The following ZGLP1 variants were observed in gnomAD, a reference collection of about 807,000 sequenced individuals.
The protein encoded by ZGLP1 is GATA-type zinc finger protein 1.
In ZGLP1, 11 loss-of-function variants were observed where a neutral mutation model predicts 21.4. The observed-to-expected ratio is 0.51, with a 90% CI of 0.32 to 0.85. ZGLP1 has a LOEUF of 0.85. Ranked by LOEUF, ZGLP1 falls within the 40% of genes least tolerant of loss-of-function variation. ZGLP1 has a pLI of 0.03. For missense variants in ZGLP1, 295 were observed against 355.6 expected (o/e 0.83, Z 1.37); for synonymous variants, 148 against 145.0 (o/e 1.02, Z -0.15).
chr19:10,308,807 G>C (rs766751740), exon 1 of ZGLP1: 18 of 863,928 alleles, frequency 2.1e-5, no homozygotes, highest in Non-Finnish European at 2.7e-5. Context: ...AGATCACCCA[G>C]GCAGGGACCG....
Position 10,305,627 on chromosome 19 carries a change from C to T in ZGLP1, c.605-144G>A, listed in dbSNP as rs2040274784. On this transcript the variant is annotated intron_variant, in intron 2 of 3. Coordinates refer to ENST00000403903, the Ensembl canonical transcript of ZGLP1. The surrounding 1 kb of genome is among the most constrained non-coding windows in gnomAD (Gnocchi z 4.7). Reference sequence around the variant, plus strand: ...AGCCCTGGGAGTTGCCAGCTCTAAGCCACAGCAAAGCCAGGAAGGGAGACA... The same window carrying T: ...AGCCCTGGGAGTTGCCAGCTCTAAGTCACAGCAAAGCCAGGAAGGGAGACA... The T allele has an allele frequency of 1.3e-6, 1 of 796,630 alleles. No individual in the cohort carries two copies. Among genetic ancestry groups the T allele is most frequent in the Admixed American group, 2.2e-5 (1 of 44,840 alleles). The allele number at this position is 796,630 out of a possible 1,614,324, so 49.3% of individuals were successfully genotyped here.
rs2040271716 is a variant in ZGLP1, at chr19:10,305,102, G to A, written c.805C>T (p.Gln269Ter). Residue 269 changes from glutamine (Q) to a stop codon, truncating the protein, a stop_gained, in exon 4 of 4, where the codon CAG becomes TAG. Coordinates refer to ENST00000403903, the Ensembl canonical transcript of ZGLP1. LOFTEE classifies it high-confidence loss of function. This position sits in a 1 kb window ranked among gnomAD's most constrained non-coding sequence, Gnocchi z 4.7. ...GGGTGAAGCTGGGTTTAACCTTCCT[G>A]AATGGGGTCCAGGGACACTCCACAT... 6.2e-7 allele frequency: 1 copy of A among 1,613,542 alleles called. No homozygotes were observed.
rs769223616 is a variant in ZGLP1 at position 10,305,928 on chromosome 19, C to G, written c.522G>C (p.Gln174His). 2 of 1,563,136 alleles carry G rather than the reference C, an allele frequency of 1.3e-6. No individual in the cohort carries two copies. Among genetic ancestry groups the G allele is most frequent in the Non-Finnish European group, 1.7e-6 (2 of 1,152,438 alleles). ...CCCCAACAGCATCTGCAGGGGATTC[C>G]TGAGAACGGCTACTGCAGGGCAGGC... Residue 174 changes from glutamine (Q) to histidine (H), a missense_variant, in exon 2 of 4, where the codon CAG becomes CAC. Around this residue, in one of 2 missense-constraint regions of ZGLP1, gnomAD observed 252 missense variants for 264.0 expected, o/e 0.95. Transcript: ENST00000403903. This position sits in a 1 kb window ranked among gnomAD's most constrained non-coding sequence, Gnocchi z 4.7.
chr19:10,305,543 C>T lies in ZGLP1; in HGVS notation c.605-60G>A. 2 of 1,454,890 alleles carry T rather than the reference C, an allele frequency of 1.4e-6. No individual in the cohort carries two copies. Among genetic ancestry groups the T allele is most frequent in the Non-Finnish European group, 1.9e-6 (2 of 1,057,542 alleles). 90.1% of individuals were successfully genotyped at this position (1,454,890 alleles called of 1,614,324 possible). A position where few individuals can be genotyped will look rare whatever the true frequency, so the allele number is the denominator to read the frequency against. On this transcript the variant is annotated intron_variant, in intron 2 of 3. Coordinates refer to ENST00000403903, the Ensembl canonical transcript of ZGLP1. This position sits in a 1 kb window ranked among gnomAD's most constrained non-coding sequence, Gnocchi z 4.7. ...GGCCAAGCATGTGAGCTCGGGATGC[C>T]TGTGCGGAGTCGGGCATTTTGTGGG...
At chr19:10,304,888 G>A in exon 4 of ZGLP1, 1 of 584,378 alleles carries the variant, frequency 1.7e-6, no homozygotes, top group Non-Finnish European at 3.0e-6. Context: ...CCTCGGCCAA[G>A]GCTGACTGGA....
In ZGLP1 at chr19:10,305,768, G is replaced by A. The variant is rs73510898; in HGVS notation, c.604+78C>T. Reference sequence around the variant, plus strand: ...AAATGGGGAAGCAAGATGGAGAAGGGGGGGGCAGGGAGAAAGGCAGGGAAG... The same window carrying A: ...AAATGGGGAAGCAAGATGGAGAAGGAGGGGGCAGGGAGAAAGGCAGGGAAG... On this transcript the variant is annotated intron_variant, in intron 2 of 3. Coordinates refer to ENST00000403903, the Ensembl canonical transcript of ZGLP1. This position sits in a 1 kb window ranked among gnomAD's most constrained non-coding sequence, Gnocchi z 4.7. 93,832 of 1,178,566 alleles carry A rather than the reference G, an allele frequency of 0.08. 4,207 individuals carry two copies. The highest frequency in any genetic ancestry group is 0.088 in the African/African-American group (5,802 of 65,798). 73.0% of individuals were successfully genotyped at this position (1,178,566 alleles called of 1,614,324 possible).
intron 1 of ZGLP1, among the ~76,000 whole-genome samples, chr19:10,307,416 C>T (rs2040285690): frequency 6.7e-6 from 1 of 148,654 alleles, no homozygotes. Context: ...GTGGTGCCAT[C>T]TCTGCTCAGT....
chr19:10,304,855 C>A (rs901741420), exon 4 of ZGLP1: 3 of 565,976 alleles, frequency 5.3e-6, no homozygotes, highest in Admixed American at 3.3e-5. Context: ...GCTCATCCTT[C>A]CTGAGAGCGT....
chr19:10,305,487 A>AAGGGTCAG lies in ZGLP1; in HGVS notation c.605-12_605-5dup. 6.3e-7 allele frequency: 1 copy of AAGGGTCAG among 1,590,872 alleles called. No individual in the cohort carries two copies. The highest frequency in any genetic ancestry group is 1.1e-5 in the South Asian group (1 of 87,542). The stretch of plus-strand genomic sequence containing the variant: ...CAGGAAGCACAGCGCCGGGGCTCTG[A>AAGGGTCAG]AGGGTCAGAGGTCAAAGGGCAGGGG... On this transcript the variant is annotated splice_region_variant and splice_polypyrimidine_tract_variant and intron_variant, in intron 2 of 3. Coordinates refer to ENST00000403903, the Ensembl canonical transcript of ZGLP1. This position sits in a 1 kb window ranked among gnomAD's most constrained non-coding sequence, Gnocchi z 4.7.
At chr19:10,307,833 G>T (rs2145043014) in intron 1 of ZGLP1, among the ~76,000 whole-genome samples, 1 of 152,346 alleles carries the variant, frequency 6.6e-6, no homozygotes, top group African/African-American at 2.4e-5. Flanking sequence ...GCTTTTGAAT[G>T]AGCCCATACA....
exon 1 of ZGLP1, chr19:10,308,880 T>C: frequency 2.3e-6 from 1 of 441,098 alleles, no homozygotes; most frequent in Non-Finnish European, 3.9e-6. Context: ...AGGTTACTTT[T>C]TTTCTTTGTG....
At chr19:10,306,745 G>A (rs2040281939) in intron 1 of ZGLP1, among the ~76,000 whole-genome samples, 1 of 151,940 alleles carries the variant, frequency 6.6e-6, no homozygotes, top group African/African-American at 2.4e-5. Flanking sequence ...GGCCTGGGAG[G>A]TCCAGGCTGC....
At position 10,308,566 on chromosome 19, in the gene ZGLP1, G is replaced by A; in HGVS notation, c.116C>T (p.Thr39Ile). The change falls in exon 1 of 4, where the codon ACT becomes ATT. Residue 39 changes from threonine to isoleucine, a missense_variant. This residue lies in a region of ZGLP1 where 252 missense variants were observed against 264.0 expected (regional missense o/e 0.95). Transcript: ENST00000403903. ...CCAGAGGGACCTGGGGAGAAGGGCA[G>A]TGGGGTCACGTTTTCTTGGGTGACT... is the stretch of plus-strand genomic sequence containing the variant. The A allele has an allele frequency of 6.3e-7, 1 of 1,594,658 alleles. No homozygotes were observed. Among genetic ancestry groups the A allele is most frequent in the South Asian group, 1.1e-5 (1 of 89,568 alleles).
exon 1 of ZGLP1, chr19:10,309,196 C>G (rs2040298170): frequency 6.5e-6 from 1 of 152,688 alleles, no homozygotes; most frequent in Non-Finnish European, 1.5e-5. Flanking sequence ...CCAAGTGTCT[C>G]TGGGCACCAG....
At chr19:10,309,240 A>AT (rs774998907) in exon 1 of ZGLP1, 4 of 152,686 alleles carry the variant, frequency 2.6e-5, no homozygotes, top group Non-Finnish European at 5.9e-5. Context: ...CTATTATAAA[A>AT]TTGCCACTTC....
At chr19:10,306,206 G>A (rs945525167) in intron 1 of ZGLP1, among the ~76,000 whole-genome samples, 3 of 151,662 alleles carry the variant, frequency 2.0e-5, no homozygotes, top group Non-Finnish European at 4.4e-5. Flanking sequence ...TCCACCTCCC[G>A]GGTTCAAGCA....
intron 1 of ZGLP1, among the ~76,000 whole-genome samples, chr19:10,307,346 CTTTTTTT>C (rs543276157): frequency 8.1e-6 from 1 of 122,988 alleles, no homozygotes; most frequent in Non-Finnish European, 1.7e-5. Flanking sequence ...CTTCCCAAAG[CTTTTTTT>C]TTTTTTTTTT....
Position 10,305,460 on chromosome 19 carries a change from G to A in ZGLP1, c.628C>T (p.Arg210Trp), listed in dbSNP as rs200568240. 2.8e-4 allele frequency: 450 copies of A among 1,599,150 alleles called. 2 individuals carry two copies. The highest frequency in any genetic ancestry group is 9.0e-4 in the South Asian group (80 of 88,446). Residue 210 changes from arginine to tryptophan, a missense_variant, in exon 3 of 4, where the codon CGG becomes TGG. Arg to Trp is a moderately radical substitution (Grantham distance 101). Coordinates refer to ENST00000403903, the Ensembl canonical transcript of ZGLP1. This position sits in a 1 kb window ranked among gnomAD's most constrained non-coding sequence, Gnocchi z 4.7. ...CTCCAGAGCGGGGTCCTCTGGGTCC[G>A]ACAGGAAGCACAGCGCCGGGGCTCT... is the stretch of plus-strand genomic sequence containing the variant.
exon 1 of ZGLP1, chr19:10,308,274 G>A (rs768968317): frequency 1.2e-6 from 2 of 1,605,496 alleles, no homozygotes. Context: ...CTCTCTCGGT[G>A]CCCCGGCAGG....
Sources: allele counts gnomAD v4.1 joint callset (sites outside exome capture counted in the v4.1 genomes callset), GRCh38; gene constraint gnomAD v4.1.1; regional missense constraint gnomAD v4.1.1; non-coding constraint Gnocchi (gnomAD v3.1); transcripts MANE v1.5; gene names NCBI Gene and HGNC (gene_info 2026-07-23, HGNC 2026-07-21).